NUP37: variants seen among roughly 807,000 people sequenced by gnomAD.
NUP37 encodes the protein nucleoporin 37, also known as nucleoporin Nup37.
In NUP37, 33 loss-of-function variants were observed where a neutral mutation model predicts 45.4. The ratio of observed to expected loss-of-function variants is 0.73; its 90% CI spans 0.55 to 0.97. The LOEUF is 0.97. Among genes scored for constraint, NUP37 ranks in the 50% least tolerant of loss-of-function variants. NUP37 has a pLI of 0.00. For synonymous variants in NUP37, 127 were observed against 130.7 expected, an observed-to-expected ratio of 0.97 and a Z score of 0.19; for missense variants, 365 against 389.7, an observed-to-expected ratio of 0.94 and a Z score of 0.53.
chr12:102,112,344 CA>C, intron 2 of NUP37, 112 bp from the exon 3 acceptor site: 1 of 821,116 alleles, frequency 1.2e-6, no homozygotes, highest in Non-Finnish European at 1.8e-6. Context: ...TTGAAAAGTT[CA>C]AAAGCAAATT....
chr12:102,118,296 G>T, intron 2 of NUP37, 67 bp downstream of exon 2: 10 of 1,371,192 alleles, frequency 7.3e-6, no homozygotes, highest in South Asian at 6.1e-5. Context: ...GTTTAGATTT[G>T]GTTTGTGTAA....
intron 5 of NUP37, among the ~76,000 whole-genome samples, 178 bp downstream of exon 5, chr12:102,098,928 C>G (rs1879892572): frequency 6.6e-6 from 1 of 152,206 alleles, no homozygotes. Flanking sequence ...GTGATGAGGA[C>G]TATCTCACTG....
chr12:102,081,387 T>G (rs1451417196), intron 6 of NUP37, among the ~76,000 whole-genome samples: 1 of 152,188 alleles, frequency 6.6e-6, no homozygotes, highest in African/African-American at 2.4e-5. Flanking sequence ...AATCTAAAAA[T>G]GCTACAGGGG....
intron 5 of NUP37, 53 bp downstream of exon 5, chr12:102,099,053 A>T: frequency 8.7e-7 from 1 of 1,148,710 alleles, no homozygotes; most frequent in Non-Finnish European, 1.3e-6. Flanking sequence ...TTAAAAATGT[A>T]ATTCTCATTA....
chr12:102,099,416 T>C (rs1879908863), intron 4 of NUP37, among the ~76,000 whole-genome samples: 1 of 152,104 alleles, frequency 6.6e-6, no homozygotes, highest in Non-Finnish European at 1.5e-5. Context: ...AACACACTAT[T>C]AGCTTAGTCT....
At chr12:102,103,210 T>A (rs1019937797) in intron 3 of NUP37, among the ~76,000 whole-genome samples, 2 of 152,304 alleles carry the variant, frequency 1.3e-5, no homozygotes, top group African/African-American at 4.8e-5. Flanking sequence ...TTTAACAATA[T>A]TAATTCATCC....
intron 6 of NUP37, among the ~76,000 whole-genome samples, chr12:102,084,962 G>C (rs1879426728): frequency 6.6e-6 from 1 of 152,172 alleles, no homozygotes; most frequent in East Asian, 1.9e-4. Context: ...AACTTGTAGT[G>C]TATTTTTAGT....
Position 102,080,875 on chromosome 12 carries a change from A to AG in NUP37, c.541-3373_541-3372insC, listed in dbSNP as rs1448491398. ...ACCTAGTAAAAATATTTGATATTTT[A>AG]AGAGTGACTTGAAAGATCTTGAGAA... On this transcript the variant is annotated intron_variant, in intron 6 of 9. Transcript: ENST00000552283. Among the ~76,000 whole-genome samples the AG allele has an allele frequency of 2.6e-5, 4 of 152,222 alleles. No individual in the cohort carries two copies. The East Asian group carries it at 7.7e-4, about 29-fold the overall frequency.
At chr12:102,083,365 CTCA>C (rs1298464008) in intron 6 of NUP37, among the ~76,000 whole-genome samples, 1 of 152,200 alleles carries the variant, frequency 6.6e-6, no homozygotes, top group Non-Finnish European at 1.5e-5. Flanking sequence ...GAACATTTCA[CTCA>C]TGCACATATG....
chr12:102,088,461 T>C (rs556974554), intron 5 of NUP37, among the ~76,000 whole-genome samples: 2 of 152,254 alleles, frequency 1.3e-5, no homozygotes, highest in East Asian at 3.9e-4. Flanking sequence ...TTTCCAAGAC[T>C]CCAAAAGTTG....
At chr12:102,096,848 G>A (rs78709810) in intron 5 of NUP37, among the ~76,000 whole-genome samples, 5,666 of 151,862 alleles carry the variant, frequency 0.037, 144 homozygotes, top group African/African-American at 0.068. Flanking sequence ...TATTGCTTAG[G>A]TTTTGGCCTA....
intron 5 of NUP37, among the ~76,000 whole-genome samples, chr12:102,088,991 T>TTCA: frequency 6.6e-6 from 1 of 152,118 alleles, no homozygotes; most frequent in South Asian, 2.1e-4. Flanking sequence ...AACCCTGAGT[T>TTCA]GACACAGCAC....
chr12:102,114,266 T>C (rs1451593032), intron 2 of NUP37, among the ~76,000 whole-genome samples: 2 of 152,248 alleles, frequency 1.3e-5, no homozygotes, highest in Non-Finnish European at 2.9e-5. Context: ...ATCTTGCTAC[T>C]GTAACAATAT....
chr12:102,076,657 G>A (rs543769401), intron 8 of NUP37, 140 bp downstream of exon 8: 21 of 624,676 alleles, frequency 3.4e-5, no homozygotes, highest in African/African-American at 2.4e-4. Flanking sequence ...TGACTTAGTC[G>A]GGAAAGTAAA....
At chr12:102,086,066 CAA>C (rs1879461424) in intron 5 of NUP37, among the ~76,000 whole-genome samples, 1 of 152,084 alleles carries the variant, frequency 6.6e-6, no homozygotes, top group Non-Finnish European at 1.5e-5. Flanking sequence ...TAATCATGGA[CAA>C]AAGAGTCACA....
chr12:102,101,171 C>G (rs1054856925), intron 3 of NUP37, 67 bp from the exon 4 acceptor site: 36 of 762,906 alleles, frequency 4.7e-5, no homozygotes, highest in Admixed American at 1.7e-4. Context: ...CCCCCTCCCC[C>G]CCATCCTTCC....
intron 5 of NUP37, among the ~76,000 whole-genome samples, chr12:102,097,975 T>C (rs1363487303): frequency 6.6e-6 from 1 of 152,190 alleles, no homozygotes; most frequent in Non-Finnish European, 1.5e-5. Flanking sequence ...AAAAAGTAGC[T>C]AGCAGCTTTA....
chr12:102,104,357 C>T (rs954325908), intron 3 of NUP37, among the ~76,000 whole-genome samples: 28 of 152,170 alleles, frequency 1.8e-4, no homozygotes, highest in African/African-American at 6.7e-4. Flanking sequence ...TTTTTGTATA[C>T]ATTCTGGATA....
chr12:102,106,628 C>T (rs1880164343), intron 3 of NUP37, among the ~76,000 whole-genome samples: 1 of 152,136 alleles, frequency 6.6e-6, no homozygotes, highest in Admixed American at 6.5e-5. Flanking sequence ...TTTCATTTAA[C>T]CTAACAAATA....
Sources: allele counts gnomAD v4.1 joint callset (sites outside exome capture counted in the v4.1 genomes callset), GRCh38; gene constraint gnomAD v4.1.1; transcripts MANE v1.5; gene names NCBI Gene and HGNC (gene_info 2026-07-23, HGNC 2026-07-21).